Variants in RBFOX1 observed in about 807,000 individuals in gnomAD.
The protein encoded by RBFOX1 is RNA binding fox-1 homolog 1.
A neutral mutation model predicts 57.7 loss-of-function variants in RBFOX1; 8 were observed. The ratio of observed to expected loss-of-function variants is 0.14; its 90% CI spans 0.08 to 0.25. RBFOX1 has a LOEUF of 0.25. RBFOX1 is among the 10% of genes least tolerant of loss of function. The pLI, the probability that RBFOX1 is intolerant of heterozygous loss-of-function variation, is 1.00. For missense variants in RBFOX1, 611 were observed against 548.5 expected (o/e 1.11, Z -1.14); for synonymous variants, 326 against 222.4 (o/e 1.47, Z -4.15).
intron 2 of RBFOX1, among the ~76,000 whole-genome samples, chr16:6,521,824 G>C (rs952245118): frequency 6.6e-6 from 1 of 152,104 alleles, no homozygotes. Flanking sequence ...GAATCCTCAT[G>C]TCTAAAAATG....
At chr16:7,456,951 C>A (rs181766044) in intron 4 of RBFOX1, among the ~76,000 whole-genome samples, 3 of 151,804 alleles carry the variant, frequency 2.0e-5, no homozygotes, top group Non-Finnish European at 4.4e-5. Context: ...AGTGCAATGG[C>A]GCGATCCCGG....
chr16:7,001,358 TTGTG>T (rs1186415071), intron 3 of RBFOX1, among the ~76,000 whole-genome samples: 1 of 124,198 alleles, frequency 8.1e-6, no homozygotes, highest in Non-Finnish European at 1.8e-5. Flanking sequence ...GTGTGTGTGT[TTGTG>T]TGTATGTGTA....
At chr16:5,796,566 C>CTGATGA (rs5815269) in intron 3 of RBFOX1, among the ~76,000 whole-genome samples, 22,681 of 151,572 alleles carry the variant, frequency 0.15, 4,060 homozygotes, top group African/African-American at 0.43. Flanking sequence ...TCTCCACACC[C>CTGATGA]TGATGATGAT....
chr16:6,560,266 A>C (rs548869036), intron 2 of RBFOX1, among the ~76,000 whole-genome samples: 2 of 152,094 alleles, frequency 1.3e-5, no homozygotes, highest in Non-Finnish European at 2.9e-5. Flanking sequence ...TGCCTGAGCA[A>C]ATTGTGTTAG....
chr16:6,236,820 A>G (rs896782837), intron 1 of RBFOX1, among the ~76,000 whole-genome samples: 63 of 152,276 alleles, frequency 4.1e-4, no homozygotes, highest in Non-Finnish European at 8.7e-4. Flanking sequence ...TGTATCCGTA[A>G]GAGCAACTTT....
intron 1 of RBFOX1, among the ~76,000 whole-genome samples, chr16:5,368,272 C>A (rs1051828373): frequency 2.0e-5 from 3 of 152,138 alleles, no homozygotes; most frequent in African/African-American, 2.4e-5. Flanking sequence ...TTTACGCTTG[C>A]GACTGCATTT....
At chr16:6,484,678 ATTTC>A (rs1406791824) in intron 2 of RBFOX1, among the ~76,000 whole-genome samples, 5 of 152,068 alleles carry the variant, frequency 3.3e-5, no homozygotes, top group Admixed American at 6.6e-5. Context: ...GGGTTTTATT[ATTTC>A]TTTTGACAAA....
At chr16:6,806,305 A>G (rs1009807145) in intron 3 of RBFOX1, among the ~76,000 whole-genome samples, 2 of 152,150 alleles carry the variant, frequency 1.3e-5, no homozygotes, top group Admixed American at 1.3e-4. Context: ...TAGTAACCTG[A>G]TAATGTTGAA....
chr16:6,994,078 T>C (rs908662581), intron 3 of RBFOX1, among the ~76,000 whole-genome samples: 6 of 152,276 alleles, frequency 3.9e-5, no homozygotes, highest in South Asian at 4.2e-4. Context: ...TAGTGCACTT[T>C]AGCTGTTGCT....
At chr16:5,702,315 C>G (rs1320755284) in intron 3 of RBFOX1, among the ~76,000 whole-genome samples, 1 of 152,152 alleles carries the variant, frequency 6.6e-6, no homozygotes, top group African/African-American at 2.4e-5. Context: ...GTGCCCCACA[C>G]TTTTAAACCA....
chr16:6,381,841 G>T (rs141788467), intron 2 of RBFOX1, among the ~76,000 whole-genome samples: 4 of 152,364 alleles, frequency 2.6e-5, no homozygotes, highest in Admixed American at 6.5e-5. Flanking sequence ...CACCTGGTCA[G>T]TTTCTGCACG....
chr16:7,512,206 GT>G (rs955391757), intron 4 of RBFOX1, among the ~76,000 whole-genome samples: 1 of 152,176 alleles, frequency 6.6e-6, no homozygotes, highest in African/African-American at 2.4e-5. Context: ...GCCTGTCACT[GT>G]CCCCTACATG....
At chr16:5,805,086 G>C (rs1427915894) in intron 3 of RBFOX1, among the ~76,000 whole-genome samples, 2 of 152,218 alleles carry the variant, frequency 1.3e-5, no homozygotes, top group Non-Finnish European at 2.9e-5. Flanking sequence ...AGGTGATCTA[G>C]TGTGGATTTG....
chr16:7,206,046 T>G (rs1380479657), intron 4 of RBFOX1, among the ~76,000 whole-genome samples: 1 of 152,250 alleles, frequency 6.6e-6, no homozygotes, highest in Non-Finnish European at 1.5e-5. Context: ...GTAGGATGTT[T>G]AGTTTTACTT....
At chr16:6,811,971 T>C (rs923927945) in intron 3 of RBFOX1, among the ~76,000 whole-genome samples, 1 of 152,170 alleles carries the variant, frequency 6.6e-6, no homozygotes, top group African/African-American at 2.4e-5. Context: ...TTCTTACAGA[T>C]GTTGTTTCTC....
chr16:5,780,025 A>G (rs539588840), intron 3 of RBFOX1, among the ~76,000 whole-genome samples: 2 of 152,356 alleles, frequency 1.3e-5, no homozygotes, highest in South Asian at 4.1e-4. Context: ...TATTTTCAAG[A>G]CGGAGTCTTG....
intron 4 of RBFOX1, among the ~76,000 whole-genome samples, chr16:7,266,914 G>T (rs772282791): frequency 6.6e-6 from 1 of 152,068 alleles, no homozygotes. Flanking sequence ...CCTGGAGGTT[G>T]CTGGGGGGAG....
intron 3 of RBFOX1, among the ~76,000 whole-genome samples, chr16:6,875,103 T>C (rs1469107226): frequency 6.6e-6 from 1 of 152,198 alleles, no homozygotes; most frequent in Non-Finnish European, 1.5e-5. Context: ...TGTAATCTTA[T>C]CAATTGACTG....
At chr16:6,616,732 G>A (rs973455620) in intron 2 of RBFOX1, among the ~76,000 whole-genome samples, 3 of 152,160 alleles carry the variant, frequency 2.0e-5, no homozygotes, top group Non-Finnish European at 4.4e-5. Context: ...ACCATGCCCG[G>A]CAATAAGTTT....
Sources: allele counts gnomAD v4.1 joint callset (sites outside exome capture counted in the v4.1 genomes callset), GRCh38; gene constraint gnomAD v4.1.1; transcripts MANE v1.5; gene names NCBI Gene and HGNC (gene_info 2026-07-23, HGNC 2026-07-21).